MEIS2: variants seen among roughly 807,000 people sequenced by gnomAD.
The protein encoded by MEIS2 is homeobox protein Meis2.
A neutral mutation model predicts 58.6 loss-of-function variants in MEIS2; 9 were observed. The ratio of observed to expected loss-of-function variants is 0.15; its 90% CI spans 0.09 to 0.27. The LOEUF (loss-of-function observed/expected upper bound fraction) is 0.27. Ranked by LOEUF, MEIS2 falls within the 10% of genes least tolerant of loss-of-function variation. The pLI, the probability that MEIS2 is intolerant of heterozygous loss-of-function variation, is 1.00. For synonymous variants in MEIS2, 221 were observed against 228.4 expected, an observed-to-expected ratio of 0.97 and a Z score of 0.29; for missense variants, 427 against 635.0, an observed-to-expected ratio of 0.67 and a Z score of 3.52.
chr15:36,922,756 C>T (rs964326094), intron 9 of MEIS2, among the ~76,000 whole-genome samples: 5 of 150,978 alleles, frequency 3.3e-5, no homozygotes, highest in African/African-American at 9.7e-5. Flanking sequence ...GAGTAGCTGG[C>T]GCATGCCACC....
chr15:36,943,522 T>C (rs1284827116), intron 9 of MEIS2, among the ~76,000 whole-genome samples: 1 of 152,174 alleles, frequency 6.6e-6, no homozygotes, highest in Non-Finnish European at 1.5e-5. Flanking sequence ...GCATGAGAAA[T>C]TTTATCTTCC....
At chr15:36,945,076 G>C (rs2141373282) in intron 9 of MEIS2, among the ~76,000 whole-genome samples, 1 of 152,096 alleles carries the variant, frequency 6.6e-6, no homozygotes. Context: ...ACACACCTTT[G>C]AAAATGACTT....
intron 9 of MEIS2, among the ~76,000 whole-genome samples, chr15:36,947,553 G>A (rs1014480191): frequency 1.3e-5 from 2 of 151,954 alleles, no homozygotes; most frequent in African/African-American, 4.8e-5. Context: ...ATATTAAGAG[G>A]TAAGTGAGAA....
intron 7 of MEIS2, chr15:37,051,030 C>T (rs2062897357): frequency 6.6e-6 from 1 of 152,114 alleles, no homozygotes; most frequent in Non-Finnish European, 1.5e-5. Context: ...TTACATATAC[C>T]TGACAGGTTA....
intron 7 of MEIS2, among the ~76,000 whole-genome samples, chr15:37,071,142 C>A (rs1223586335): frequency 6.6e-6 from 1 of 150,574 alleles, no homozygotes; most frequent in Non-Finnish European, 1.5e-5. Context: ...ATCTTCCTTT[C>A]AAAAAAAAAT....
chr15:36,957,481 G>T (rs180864779), intron 8 of MEIS2, among the ~76,000 whole-genome samples: 1 of 152,078 alleles, frequency 6.6e-6, no homozygotes, highest in East Asian at 1.9e-4. Context: ...CCATTTCCAC[G>T]ATTCTGGCAT....
At position 37,025,836 on chromosome 15, in the gene MEIS2, C is replaced by T. The variant is rs142151437; in HGVS notation, c.900+10978G>A. Among the ~76,000 whole-genome samples the T allele has an allele frequency of 1.8e-3, 275 of 151,792 alleles. 1 individual carries two copies. The highest frequency in any genetic ancestry group is 3.4e-3 in the Middle Eastern group (1 of 292). On this transcript the variant is annotated intron_variant, in intron 8 of 11. Coordinates refer to ENST00000561208, the MANE Select transcript of MEIS2 (RefSeq NM_170675.5). ...TATTAAAAACTAATGCCTTTTCACACGATCATATTTAATTACATTTAAGTG... is the reference window on the plus strand; with the variant it reads ...TATTAAAAACTAATGCCTTTTCACATGATCATATTTAATTACATTTAAGTG...
intron 8 of MEIS2, among the ~76,000 whole-genome samples, chr15:37,019,448 T>C (rs1490286381): frequency 1.3e-5 from 2 of 152,234 alleles, no homozygotes; most frequent in African/African-American, 4.8e-5. Context: ...GGAATATGCA[T>C]TGTATCTGTA....
chr15:37,099,233 C>A, intron 1 of MEIS2: 1 of 1,432,994 alleles, frequency 7.0e-7, no homozygotes, highest in Non-Finnish European at 9.1e-7. Context: ...CGCTGGAACA[C>A]GCGCGCCCAG....
chr15:37,035,522 C>T (rs991064526), intron 8 of MEIS2, among the ~76,000 whole-genome samples: 6 of 152,096 alleles, frequency 3.9e-5, no homozygotes, highest in Non-Finnish European at 7.3e-5. Flanking sequence ...GTCCAGAGAC[C>T]GCATGTTCTG....
intron 6 of MEIS2, among the ~76,000 whole-genome samples, chr15:37,089,218 A>T (rs977799111): frequency 1.3e-5 from 2 of 152,168 alleles, no homozygotes; most frequent in Non-Finnish European, 2.9e-5. Context: ...CTCACCTTAC[A>T]CTAAAACATA....
At chr15:37,085,019 G>T (rs527382678) in intron 6 of MEIS2, among the ~76,000 whole-genome samples, 3 of 152,134 alleles carry the variant, frequency 2.0e-5, no homozygotes, top group African/African-American at 7.2e-5. Flanking sequence ...ACCAATCAAA[G>T]TATACAAAGT....
At chr15:37,062,486 C>G (rs1156805301) in intron 7 of MEIS2, among the ~76,000 whole-genome samples, 2 of 152,184 alleles carry the variant, frequency 1.3e-5, no homozygotes, top group Admixed American at 1.3e-4. Context: ...GTCAAAGAGA[C>G]AGAAGGAGAG....
intron 9 of MEIS2, among the ~76,000 whole-genome samples, chr15:36,922,703 C>G (rs2057570267): frequency 6.6e-6 from 1 of 151,184 alleles, no homozygotes; most frequent in African/African-American, 2.4e-5. Context: ...ACACTGCAAC[C>G]TCCGCCTCCC....
At chr15:36,951,116 G>C (rs1039621458) in intron 8 of MEIS2, among the ~76,000 whole-genome samples, 2 of 152,108 alleles carry the variant, frequency 1.3e-5, no homozygotes, top group African/African-American at 4.8e-5. Flanking sequence ...AGAGAATGAA[G>C]CCATAGGTTT....
chr15:37,047,253 T>C (rs2062714253), intron 7 of MEIS2, among the ~76,000 whole-genome samples: 3 of 152,162 alleles, frequency 2.0e-5, no homozygotes, highest in Admixed American at 1.3e-4. Flanking sequence ...GTCCCAGCTC[T>C]CAAATTTGAC....
intron 7 of MEIS2, among the ~76,000 whole-genome samples, chr15:37,052,003 T>C (rs1023660871): frequency 1.3e-5 from 2 of 152,120 alleles, no homozygotes; most frequent in African/African-American, 4.8e-5. Context: ...GATAATAACT[T>C]TGAAAGATAA....
chr15:36,974,396 C>T (rs1393817468), intron 8 of MEIS2, among the ~76,000 whole-genome samples: 1 of 152,160 alleles, frequency 6.6e-6, no homozygotes, highest in Admixed American at 6.5e-5. Flanking sequence ...CTCCAAAAAT[C>T]AAATTGTTCA....
chr15:36,896,596 G>C, intron 10 of MEIS2, 32 bp downstream of exon 10: 2 of 1,545,140 alleles, frequency 1.3e-6, no homozygotes, highest in Non-Finnish European at 1.8e-6. Flanking sequence ...TGTGCCTGTG[G>C]GACATAAATA....
Sources: allele counts gnomAD v4.1 joint callset (sites outside exome capture counted in the v4.1 genomes callset), GRCh38; gene constraint gnomAD v4.1.1; transcripts MANE v1.5; gene names NCBI Gene and HGNC (gene_info 2026-07-23, HGNC 2026-07-21).